The following KLHL2 variants were observed in gnomAD, a reference collection of about 807,000 sequenced individuals.
KLHL2 encodes kelch like family member 2.
KLHL2 carries 15 observed loss-of-function variants against 75.8 expected under a neutral mutation model. That is an observed-to-expected ratio of 0.20 (90% confidence interval 0.13 to 0.30). The LOEUF is 0.30. Among genes scored for constraint, KLHL2 ranks in the 10% least tolerant of loss-of-function variants. The probability of loss-of-function intolerance (pLI) is 1.00; values close to 1 mark genes in which losing one functional copy is unlikely to be tolerated. For synonymous variants in KLHL2, 214 were observed against 251.9 expected (o/e 0.85, Z 1.42); for missense variants, 381 against 741.0 (o/e 0.51, Z 5.64).
chr4:165,257,267 G>A (rs1465121550), intron 4 of KLHL2, among the ~76,000 whole-genome samples: 1 of 152,238 alleles, frequency 6.6e-6, no homozygotes, highest in Non-Finnish European at 1.5e-5. Flanking sequence ...GTTCATAGGT[G>A]CAGTACAGAT....
chr4:165,222,410 T>G (rs1011452260), intron 2 of KLHL2, among the ~76,000 whole-genome samples: 7 of 152,114 alleles, frequency 4.6e-5, no homozygotes, highest in African/African-American at 1.7e-4. Context: ...ACTCTATAAC[T>G]GTGAGATAGT....
intron 6 of KLHL2, among the ~76,000 whole-genome samples, chr4:165,294,712 AT>A (rs1218996398): frequency 1.3e-5 from 2 of 152,150 alleles, no homozygotes; most frequent in African/African-American, 4.8e-5. Context: ...GGTTCCCTAA[AT>A]TTTTAGCCAC....
intron 5 of KLHL2, among the ~76,000 whole-genome samples, chr4:165,281,483 T>A (rs1185481531): frequency 6.6e-6 from 1 of 151,936 alleles, no homozygotes; most frequent in Non-Finnish European, 1.5e-5. Context: ...GCCTGGCTAA[T>A]TTTTTGTATT....
At chr4:165,277,785 A>ACACACACACACACACACACACC (rs1204584506) in intron 5 of KLHL2, 2 of 602,314 alleles carry the variant, frequency 3.3e-6, no homozygotes, top group African/African-American at 3.8e-5. Flanking sequence ...ACACACACAC[A>ACACACACACACACACACACACC]CCAAATATTT....
At chr4:165,295,701 T>C (rs1311221011) in intron 6 of KLHL2, among the ~76,000 whole-genome samples, 1 of 152,100 alleles carries the variant, frequency 6.6e-6, no homozygotes, top group Non-Finnish European at 1.5e-5. Flanking sequence ...GAAATAGGGA[T>C]GGGTGGGAAT....
chr4:165,311,436 A>C, intron 10 of KLHL2, 28 bp from the exon 11 acceptor site: 1 of 1,491,468 alleles, frequency 6.7e-7, no homozygotes, highest in Non-Finnish European at 9.3e-7. Flanking sequence ...TTAGAGAAGG[A>C]AATGAAGACT....
chr4:165,310,241 T>C (rs550475204), intron 9 of KLHL2, among the ~76,000 whole-genome samples: 9 of 152,200 alleles, frequency 5.9e-5, no homozygotes, highest in East Asian at 1.9e-4. Flanking sequence ...AGGAGAATGG[T>C]GTGAACACGG....
chr4:165,263,871 A>G (rs1476924389), intron 5 of KLHL2, among the ~76,000 whole-genome samples: 26 of 145,180 alleles, frequency 1.8e-4, no homozygotes, highest in African/African-American at 5.8e-4. Flanking sequence ...AAATCTTCAA[A>G]GCAGTGAAAT....
chr4:165,303,678 T>G (rs1049696652), intron 8 of KLHL2, among the ~76,000 whole-genome samples: 1 of 152,204 alleles, frequency 6.6e-6, no homozygotes, highest in Non-Finnish European at 1.5e-5. Flanking sequence ...TTCTCATGCC[T>G]CAGCCTCCCA....
chr4:165,304,815 C>G (rs1366726555), intron 8 of KLHL2, among the ~76,000 whole-genome samples: 1 of 152,110 alleles, frequency 6.6e-6, no homozygotes, highest in Non-Finnish European at 1.5e-5. Context: ...GTCTTGTCTC[C>G]TTAGTGAGAT....
At chr4:165,263,127 A>G (rs1210329592) in intron 4 of KLHL2, 70 bp from the exon 5 acceptor site, 41 of 1,454,280 alleles carry the variant, frequency 2.8e-5, no homozygotes, top group South Asian at 2.5e-4. Context: ...CTTGTGTCCT[A>G]TGTAGAAGTG....
At chr4:165,301,083 T>C (rs1193957008) in intron 8 of KLHL2, among the ~76,000 whole-genome samples, 2 of 152,218 alleles carry the variant, frequency 1.3e-5, no homozygotes, top group African/African-American at 4.8e-5. Context: ...CAAAACTCTC[T>C]TGGTGGCACC....
intron 4 of KLHL2, among the ~76,000 whole-genome samples, chr4:165,241,463 C>T (rs1260488193): frequency 6.6e-6 from 1 of 151,878 alleles, no homozygotes; most frequent in African/African-American, 2.4e-5. Flanking sequence ...GGAAGCCATG[C>T]TCTGAATTTA....
At chr4:165,296,567 G>T (rs1365084133) in intron 6 of KLHL2, among the ~76,000 whole-genome samples, 3 of 152,156 alleles carry the variant, frequency 2.0e-5, no homozygotes, top group African/African-American at 7.2e-5. Context: ...TTATTAGGAG[G>T]CTATCTTTGG....
intron 5 of KLHL2, among the ~76,000 whole-genome samples, chr4:165,292,946 C>T (rs1453575966): frequency 6.6e-6 from 1 of 152,150 alleles, no homozygotes; most frequent in Non-Finnish European, 1.5e-5. Flanking sequence ...AGACACAGTT[C>T]TAGGTGCTTT....
Position 165,278,967 on chromosome 4 carries a change from T to C in KLHL2, c.545-15392T>C, listed in dbSNP as rs28435142. ...CTCCGAACATGTGGAAGAATTTCCA[T>C]TGGAATTCCAAAAAATTCACAGAGT... On this transcript the variant is annotated intron_variant, in intron 5 of 14. Transcript: ENST00000226725. The C allele has an allele frequency of 7.7e-4, 1,158 of 1,496,664 alleles. 11 individuals are homozygous for C. The African/African-American group carries it at 0.013, about 17-fold the overall frequency. The allele number at this position is 1,496,664 out of a possible 1,614,324, so 92.7% of individuals were successfully genotyped here.
chr4:165,290,387 A>T (rs1189117844), intron 5 of KLHL2, among the ~76,000 whole-genome samples: 6 of 152,112 alleles, frequency 3.9e-5, no homozygotes, highest in Non-Finnish European at 8.8e-5. Context: ...CACCCTCCTC[A>T]GCCTCCCAAG....
At chr4:165,264,765 T>TAAATAA (rs1742106869) in intron 5 of KLHL2, among the ~76,000 whole-genome samples, 1 of 94,186 alleles carries the variant, frequency 1.1e-5, no homozygotes, top group Non-Finnish European at 2.0e-5. Context: ...TATATATATA[T>TAAATAA]AAAACATTAT....
intron 1 of KLHL2, among the ~76,000 whole-genome samples, chr4:165,217,883 T>C (rs1252088332): frequency 6.6e-6 from 1 of 152,194 alleles, no homozygotes; most frequent in African/African-American, 2.4e-5. Context: ...AAACAGCTCT[T>C]GATCTCTGCC....
Sources: allele counts gnomAD v4.1 joint callset (sites outside exome capture counted in the v4.1 genomes callset), GRCh38; gene constraint gnomAD v4.1.1; transcripts MANE v1.5; gene names NCBI Gene and HGNC (gene_info 2026-07-23, HGNC 2026-07-21).